Variants in PPP1R9A observed in about 807,000 individuals in gnomAD.
The protein encoded by PPP1R9A is neurabin-1.
Under a neutral mutation model 141.9 loss-of-function variants are expected in PPP1R9A, and 59 were observed. That is an observed-to-expected ratio of 0.42 (90% CI 0.34 to 0.52). PPP1R9A has a LOEUF of 0.52. Ranked by LOEUF, PPP1R9A falls within the 20% of genes least tolerant of loss-of-function variation. PPP1R9A has a pLI of 0.10. For missense variants in PPP1R9A, 1,444 were observed against 1,611.9 expected, an observed-to-expected ratio of 0.90 and a Z score of 1.78; for synonymous variants, 500 against 569.7, an observed-to-expected ratio of 0.88 and a Z score of 1.74.
intron 2 of PPP1R9A, among the ~76,000 whole-genome samples, chr7:95,043,423 G>A (rs990190749): frequency 6.6e-6 from 1 of 152,174 alleles, no homozygotes; most frequent in African/African-American, 2.4e-5. Flanking sequence ...ATGATGTTTT[G>A]TGTGGAGTCC....
At chr7:94,973,994 G>A (rs1799156594) in intron 2 of PPP1R9A, among the ~76,000 whole-genome samples, 1 of 152,136 alleles carries the variant, frequency 6.6e-6, no homozygotes, top group Admixed American at 6.6e-5. Flanking sequence ...TAGGATTGCA[G>A]GCATGAGCCA....
chr7:94,955,989 C>T (rs897146766), intron 2 of PPP1R9A, among the ~76,000 whole-genome samples: 1 of 152,124 alleles, frequency 6.6e-6, no homozygotes, highest in Non-Finnish European at 1.5e-5. Context: ...GCCTACTTGC[C>T]TACCTGCCAG....
intron 7 of PPP1R9A, among the ~76,000 whole-genome samples, chr7:95,216,414 T>C (rs1793431142): frequency 6.6e-6 from 1 of 152,180 alleles, no homozygotes; most frequent in South Asian, 2.1e-4. Flanking sequence ...CCTCCAGCTT[T>C]CTTCTTTTGG....
chr7:95,068,832 T>C (rs1813355235), intron 2 of PPP1R9A, among the ~76,000 whole-genome samples: 1 of 152,160 alleles, frequency 6.6e-6, no homozygotes, highest in Non-Finnish European at 1.5e-5. Flanking sequence ...CTTGCTTTTG[T>C]AACCACCCAA....
chr7:95,245,575 T>G (rs1039844241), intron 8 of PPP1R9A, among the ~76,000 whole-genome samples: 12 of 152,114 alleles, frequency 7.9e-5, no homozygotes, highest in African/African-American at 2.7e-4. Flanking sequence ...CCATCCAGAC[T>G]AGGACTTAGG....
chr7:95,258,262 G>A (rs1799906470), intron 12 of PPP1R9A, among the ~76,000 whole-genome samples: 1 of 152,246 alleles, frequency 6.6e-6, no homozygotes, highest in Admixed American at 6.5e-5. Flanking sequence ...TTTCTCTGAT[G>A]GCCAGTGATG....
At chr7:95,266,338 T>TA (rs11458139) in intron 12 of PPP1R9A, among the ~76,000 whole-genome samples, 3 of 152,086 alleles carry the variant, frequency 2.0e-5, no homozygotes, top group African/African-American at 4.8e-5. Context: ...CCTTTTTTTT[T>TA]ATCATGTTAT....
intron 10 of PPP1R9A, 112 bp from the exon 11 acceptor site, chr7:95,251,650 C>G (rs765145993): frequency 1.0e-4 from 94 of 938,532 alleles, no homozygotes; most frequent in Non-Finnish European, 1.3e-4. Context: ...TGAATGTTGT[C>G]CATTTAAATA....
intron 8 of PPP1R9A, among the ~76,000 whole-genome samples, chr7:95,247,093 G>A (rs1347435663): frequency 1.3e-5 from 2 of 152,102 alleles, no homozygotes; most frequent in South Asian, 4.1e-4. Context: ...TCCAGGTTTG[G>A]AATTAAATCA....
At chr7:95,063,573 T>G (rs1465702512) in intron 2 of PPP1R9A, among the ~76,000 whole-genome samples, 1 of 152,112 alleles carries the variant, frequency 6.6e-6, no homozygotes, top group Non-Finnish European at 1.5e-5. Context: ...AAAAAAAAAT[T>G]TTAAATAAAA....
intron 2 of PPP1R9A, among the ~76,000 whole-genome samples, chr7:95,070,946 T>C (rs1207118020): frequency 6.6e-6 from 1 of 151,834 alleles, no homozygotes; most frequent in Non-Finnish European, 1.5e-5. Flanking sequence ...CAAGGTAATG[T>C]TAATTGGCTA....
At chr7:95,246,345 T>G (rs1798116175) in intron 8 of PPP1R9A, among the ~76,000 whole-genome samples, 1 of 152,204 alleles carries the variant, frequency 6.6e-6, no homozygotes, top group Admixed American at 6.5e-5. Flanking sequence ...CCTCTTAGCC[T>G]TACTTGATTA....
chr7:95,226,387 A>AT (rs1795146248), intron 8 of PPP1R9A, among the ~76,000 whole-genome samples: 1 of 152,106 alleles, frequency 6.6e-6, no homozygotes, highest in African/African-American at 2.4e-5. Flanking sequence ...TTTAAGTTAT[A>AT]TTTTTTCAGT....
intron 2 of PPP1R9A, among the ~76,000 whole-genome samples, chr7:95,028,268 T>C (rs758842269): frequency 1.3e-5 from 2 of 152,108 alleles, no homozygotes; most frequent in Non-Finnish European, 2.9e-5. Flanking sequence ...ATCAATTTAG[T>C]AATGCAAAGT....
intron 16 of PPP1R9A, among the ~76,000 whole-genome samples, chr7:95,274,769 G>A (rs1332700588): frequency 6.6e-6 from 1 of 152,176 alleles, no homozygotes; most frequent in South Asian, 2.1e-4. Flanking sequence ...TTTAAGCTGA[G>A]ATTTGTATAG....
intron 2 of PPP1R9A, among the ~76,000 whole-genome samples, chr7:94,986,718 G>A (rs941968820): frequency 9.2e-5 from 14 of 152,178 alleles, no homozygotes; most frequent in Admixed American, 8.5e-4. Context: ...ATAGCACACT[G>A]TATTCCATGA....
At chr7:94,954,258 T>C (rs1163163187) in intron 2 of PPP1R9A, among the ~76,000 whole-genome samples, 1 of 152,104 alleles carries the variant, frequency 6.6e-6, no homozygotes, top group Admixed American at 6.5e-5. Flanking sequence ...GTTTTGTGTT[T>C]TCTGATTTCT....
chr7:95,230,752 C>T (rs1288903492), intron 8 of PPP1R9A, among the ~76,000 whole-genome samples: 1 of 151,926 alleles, frequency 6.6e-6, no homozygotes, highest in Non-Finnish European at 1.5e-5. Flanking sequence ...TTGAGGAAAA[C>T]CTCCCCAAAA....
intron 2 of PPP1R9A, among the ~76,000 whole-genome samples, chr7:94,997,380 A>G (rs1254000053): frequency 6.6e-6 from 1 of 151,796 alleles, no homozygotes; most frequent in Non-Finnish European, 1.5e-5. Flanking sequence ...TCTAGATTTT[A>G]TTATCTTCTT....
Sources: allele counts gnomAD v4.1 joint callset (sites outside exome capture counted in the v4.1 genomes callset), GRCh38; gene constraint gnomAD v4.1.1; transcripts MANE v1.5; gene names NCBI Gene and HGNC (gene_info 2026-07-23, HGNC 2026-07-21).